Variants in NMNAT2 observed in about 807,000 individuals in gnomAD.
The protein encoded by NMNAT2 is nicotinamide nucleotide adenylyltransferase 2.
A neutral mutation model predicts 41.6 loss-of-function variants in NMNAT2; 11 were observed. The ratio of observed to expected loss-of-function variants is 0.26; its 90% confidence interval spans 0.17 to 0.44. The LOEUF is 0.44. NMNAT2 is among the 20% of genes least tolerant of loss of function. The probability of loss-of-function intolerance (pLI) is 1.00; values close to 1 mark genes in which losing one functional copy is unlikely to be tolerated. For missense variants in NMNAT2, 288 were observed against 407.7 expected, an observed-to-expected ratio of 0.71 and a Z score of 2.53; for synonymous variants, 148 against 151.2, an observed-to-expected ratio of 0.98 and a Z score of 0.16.
At chr1:183,287,259 A>C (rs760556949) in intron 4 of NMNAT2, among the ~76,000 whole-genome samples, 6 of 152,092 alleles carry the variant, frequency 3.9e-5, no homozygotes, top group Non-Finnish European at 7.4e-5. Flanking sequence ...ATGGGGCTCA[A>C]ATGAGATCAT....
chr1:183,396,035 TTTGGTG>T (rs1168386009), intron 1 of NMNAT2, among the ~76,000 whole-genome samples: 1 of 152,154 alleles, frequency 6.6e-6, no homozygotes, highest in African/African-American at 2.4e-5. Context: ...CATGGGTCTC[TTTGGTG>T]GCCTGCAGAG....
intron 1 of NMNAT2, among the ~76,000 whole-genome samples, chr1:183,316,308 G>A (rs934216754): frequency 6.6e-6 from 1 of 152,170 alleles, no homozygotes; most frequent in African/African-American, 2.4e-5. Context: ...GTGTCACCCA[G>A]GGTCTGTTGC....
chr1:183,321,742 GA>G (rs553304631), intron 1 of NMNAT2, among the ~76,000 whole-genome samples: 195 of 144,806 alleles, frequency 1.3e-3, no homozygotes, highest in African/African-American at 4.2e-3. Flanking sequence ...TCAAAAAAAA[GA>G]AAAAAAAAAG....
At chr1:183,267,740 C>T (rs1458790089) in intron 8 of NMNAT2, among the ~76,000 whole-genome samples, 1 of 152,112 alleles carries the variant, frequency 6.6e-6, no homozygotes, top group Non-Finnish European at 1.5e-5. Context: ...AGGGGACCAG[C>T]ACCTCCTGTC....
chr1:183,395,211 C>A (rs916079504), intron 1 of NMNAT2, among the ~76,000 whole-genome samples: 2 of 152,102 alleles, frequency 1.3e-5, no homozygotes, highest in Admixed American at 6.5e-5. Flanking sequence ...CAGGGGCATG[C>A]TTGCAGAACT....
Position 183,250,099 on chromosome 1 carries a change from C to T in NMNAT2, c.*2542G>A, listed in dbSNP as rs1194287596. The T allele has an allele frequency of 6.6e-6, 1 of 152,238 alleles. No homozygotes were observed. The highest frequency in any genetic ancestry group is 1.5e-5 in the Non-Finnish European group (1 of 68,084). The allele number at this position is 152,238 out of a possible 1,614,324, so 9.4% of individuals were successfully genotyped here. On this transcript the variant is annotated 3_prime_UTR_variant, in exon 11 of 11. Transcript: ENST00000287713. ...CTGCTCACGTGGGTCCCATAAATTC[C>T]ATCCATAACTCCAAGTCCTTAAACA...
intron 4 of NMNAT2, among the ~76,000 whole-genome samples, chr1:183,287,235 T>C (rs1661423907): frequency 6.6e-6 from 1 of 152,034 alleles, no homozygotes; most frequent in Non-Finnish European, 1.5e-5. Context: ...ATATCTGCCC[T>C]CCCCAAATGC....
chr1:183,359,048 T>G (rs571309176), intron 1 of NMNAT2, among the ~76,000 whole-genome samples: 1 of 152,254 alleles, frequency 6.6e-6, no homozygotes, highest in African/African-American at 2.4e-5. Context: ...GCTGTTCAAA[T>G]GTACTTATAG....
Position 183,284,774 on chromosome 1 carries a change from C to G in NMNAT2, c.465G>C (p.Lys155Asn), listed in dbSNP as rs200270995. 2 of 1,614,046 alleles carry G rather than the reference C, an allele frequency of 1.2e-6. No individual in the cohort carries two copies. Among genetic ancestry groups the G allele is most frequent in the Non-Finnish European group, 1.7e-6 (2 of 1,180,004 alleles). The change falls in exon 6 of 11, where the codon AAG becomes AAC. Residue 155 changes from lysine to asparagine, a missense_variant. Physicochemically the swap from Lys to Asn is moderately conservative, Grantham distance 94. Coordinates refer to ENST00000287713, the MANE Select transcript of NMNAT2 (RefSeq NM_015039.4). ...TKPTAAKILG[K>N]VGESLSRICC... is the part of the protein sequence containing the mutation. Reference sequence around the variant, plus strand: ...AGATCCGGCTGAGGCTTTCTCCCACCTTCCCCAAGATCTTGGCTATGGGAG... The same window carrying G: ...AGATCCGGCTGAGGCTTTCTCCCACGTTCCCCAAGATCTTGGCTATGGGAG...
intron 9 of NMNAT2, 40 bp from the exon 10 acceptor site, chr1:183,261,109 C>T: frequency 6.2e-7 from 1 of 1,604,086 alleles, no homozygotes; most frequent in Non-Finnish European, 8.5e-7. Context: ...CAGTCCCTCC[C>T]ACTAAACTCC....
At chr1:183,389,754 A>G (rs184011431) in intron 1 of NMNAT2, among the ~76,000 whole-genome samples, 2,426 of 19,696 alleles carry the variant, frequency 0.12, 59 homozygotes, top group Middle Eastern at 0.2. Context: ...GAAAGAAAGA[A>G]AGAAAGAAAG....
rs937312417 is a variant in NMNAT2, at chr1:183,251,406, G to A, written c.*1235C>T. ...AATTGCTTTCTCCTAGTTCATCCTG[G>A]ACTTACAATATGAAAGAGACATTTC... On this transcript the variant is annotated 3_prime_UTR_variant, in exon 11 of 11. Transcript: ENST00000287713. 1 of 152,210 alleles carries A rather than the reference G, an allele frequency of 6.6e-6. No homozygotes were observed. Among genetic ancestry groups the A allele is most frequent in the African/African-American group, 2.4e-5 (1 of 41,436 alleles). The allele number at this position is 152,210 out of a possible 1,614,324, so 9.4% of individuals were successfully genotyped here.
chr1:183,300,254 T>C (rs552130217), intron 1 of NMNAT2, among the ~76,000 whole-genome samples: 1 of 151,860 alleles, frequency 6.6e-6, no homozygotes, highest in African/African-American at 2.4e-5. Context: ...ATACAAAAAT[T>C]AGCCAGGCGT....
chr1:183,413,979 T>A (rs1571647563), intron 1 of NMNAT2, among the ~76,000 whole-genome samples: 1 of 152,348 alleles, frequency 6.6e-6, no homozygotes, highest in East Asian at 1.9e-4. Context: ...GAAGCTTATT[T>A]CAGAAAGCTC....
chr1:183,293,025 G>C (rs530298731), intron 2 of NMNAT2, among the ~76,000 whole-genome samples, 168 bp from the exon 3 acceptor site: 91 of 152,354 alleles, frequency 6.0e-4, no homozygotes, highest in Non-Finnish European at 1.2e-3. Context: ...GGCAGGCCTG[G>C]AATGGTGGTG....
Position 183,370,063 on chromosome 1 carries a change from G to A in NMNAT2, c.85+48120C>T, listed in dbSNP as rs888158382. Among the ~76,000 whole-genome samples, 13 of 152,084 alleles carry A rather than the reference G, an allele frequency of 8.5e-5. No individual in the cohort carries two copies. In the East Asian group the frequency reaches 9.7e-4, roughly 11 times the overall value. ...GGAAAAAGGGCCTCTTTTCCTTAAC[G>A]CCTCCTGCATTCCCAACACACGGCT... is the stretch of plus-strand genomic sequence containing the variant. On this transcript the variant is annotated intron_variant, in intron 1 of 10. Transcript: ENST00000287713.
rs568507545 is a variant in NMNAT2, at chr1:183,254,225, T to C, written c.822-1482A>G. 3.3e-5 allele frequency among the ~76,000 whole-genome samples: 5 copies of C among 152,322 alleles called. No individual in the cohort carries two copies. In the South Asian group the frequency reaches 1.0e-3, roughly 32 times the overall value. The stretch of plus-strand genomic sequence containing the variant: ...ACCAACAGTGTACAAGGGTTCCCTT[T>C]CTCCACACCCTCATCGACATTTGTT... On this transcript the variant is annotated intron_variant, in intron 10 of 10. Transcript: ENST00000287713.
intron 1 of NMNAT2, among the ~76,000 whole-genome samples, chr1:183,368,721 G>A (rs1289372412): frequency 2.0e-5 from 3 of 152,106 alleles, no homozygotes; most frequent in Admixed American, 6.5e-5. Flanking sequence ...TGGCAAGGCC[G>A]GTGAAAACAT....
Position 183,377,336 on chromosome 1 carries a change from A to T in NMNAT2, c.85+40847T>A, listed in dbSNP as rs114230740. ...CCATACCCACCACCTCCATGCTGTC[A>T]AGCATCAAGTAAAAACATCACTGGA... is the stretch of plus-strand genomic sequence containing the variant. On this transcript the variant is annotated intron_variant, in intron 1 of 10. Transcript: ENST00000287713. 8.3e-3 allele frequency among the ~76,000 whole-genome samples: 1,262 copies of T among 152,152 alleles called. 17 individuals are homozygous for T. Among genetic ancestry groups the T allele is most frequent in the African/African-American group, 0.029 (1,196 of 41,514 alleles).
Sources: allele counts gnomAD v4.1 joint callset (sites outside exome capture counted in the v4.1 genomes callset), GRCh38; gene constraint gnomAD v4.1.1; transcripts MANE v1.5; gene names NCBI Gene and HGNC (gene_info 2026-07-23, HGNC 2026-07-21).